Variants in DENND1A observed in about 807,000 individuals in gnomAD.
DENND1A encodes the protein DENN domain containing 1A.
In DENND1A, 51 loss-of-function variants were observed where a neutral mutation model predicts 113.7. That is an observed-to-expected ratio of 0.45 (90% confidence interval 0.36 to 0.57). DENND1A has a LOEUF of 0.57. Among genes scored for constraint, DENND1A ranks in the 20% least tolerant of loss-of-function variants. The pLI, the probability that DENND1A is intolerant of heterozygous loss-of-function variation, is 0.00. For synonymous variants in DENND1A, 565 were observed against 570.8 expected, an observed-to-expected ratio of 0.99 and a Z score of 0.14; for missense variants, 1,258 against 1,395.9, an observed-to-expected ratio of 0.90 and a Z score of 1.57.
chr9:123,521,351 G>C (rs1235108224), intron 13 of DENND1A, among the ~76,000 whole-genome samples: 4 of 152,068 alleles, frequency 2.6e-5, no homozygotes, highest in Admixed American at 1.3e-4. Flanking sequence ...GTGGTTAAGG[G>C]GCTTGAGAGT....
At position 123,510,360 on chromosome 9, in the gene DENND1A, T is replaced by C. The variant is rs567710865; in HGVS notation, c.993+47210A>G. 2.6e-4 allele frequency among the ~76,000 whole-genome samples: 40 copies of C among 152,372 alleles called. No homozygotes were observed. In the South Asian group the frequency reaches 5.8e-3, roughly 22 times the overall value. ...TCATCTGATAAAGGGAAATACACAA[T>C]AGAATGATCAGTGTGAGCACACAAG... is the stretch of plus-strand genomic sequence containing the variant. On this transcript the variant is annotated intron_variant, in intron 13 of 23. Transcript: ENST00000394215.
chr9:123,547,551 T>G (rs1414706087), intron 13 of DENND1A, among the ~76,000 whole-genome samples: 1 of 152,138 alleles, frequency 6.6e-6, no homozygotes, highest in Non-Finnish European at 1.5e-5. Flanking sequence ...AAAACCTGAC[T>G]GTAATTTTTT....
At chr9:123,596,118 G>C (rs2059679273) in intron 11 of DENND1A, among the ~76,000 whole-genome samples, 1 of 152,160 alleles carries the variant, frequency 6.6e-6, no homozygotes, top group Non-Finnish European at 1.5e-5. Context: ...GCATGGCCCA[G>C]AGATAGCTCG....
At chr9:123,701,966 T>C (rs1470808292) in intron 5 of DENND1A, among the ~76,000 whole-genome samples, 2 of 152,168 alleles carry the variant, frequency 1.3e-5, no homozygotes, top group East Asian at 3.8e-4. Flanking sequence ...GAGGTACTAG[T>C]GACTGACCAT....
chr9:123,651,869 AAT>A (rs2139410158), intron 9 of DENND1A, 142 bp downstream of exon 9: 10 of 595,472 alleles, frequency 1.7e-5, no homozygotes, highest in Non-Finnish European at 2.5e-5. Flanking sequence ...AAAAAAAAAA[AAT>A]GAACAATTAA....
chr9:123,707,577 G>C (rs1056736810), intron 5 of DENND1A, among the ~76,000 whole-genome samples: 2 of 152,110 alleles, frequency 1.3e-5, no homozygotes, highest in Non-Finnish European at 2.9e-5. Flanking sequence ...ATATATCAAA[G>C]AGAAGGCAGT....
chr9:123,672,165 C>G (rs1305381070), intron 6 of DENND1A, among the ~76,000 whole-genome samples: 1 of 152,188 alleles, frequency 6.6e-6, no homozygotes, highest in Non-Finnish European at 1.5e-5. Context: ...GTAAGTTGCA[C>G]AGCTAAAGGG....
intron 5 of DENND1A, among the ~76,000 whole-genome samples, chr9:123,716,418 G>A (rs769337701): frequency 6.6e-5 from 10 of 152,262 alleles, no homozygotes; most frequent in East Asian, 3.9e-4. Context: ...TTAAAAGGAC[G>A]AAGGAGGGGG....
rs570697971 is a variant in DENND1A at position 123,737,156 on chromosome 9, GTTTAA to G, written c.302+20542_302+20546del. On this transcript the variant is annotated intron_variant, in intron 5 of 23. Transcript: ENST00000394215. ...ATCTCATATGGAATATATTTAAAAT[GTTTAA>G]TTTAACCTTTAATTCAACTCAGTTT... Among the ~76,000 whole-genome samples, 232 of 152,188 alleles carry G rather than the reference GTTTAA, an allele frequency of 1.5e-3. 1 individual carries two copies. The highest frequency in any genetic ancestry group is 5.3e-3 in the African/African-American group (221 of 41,514).
chr9:123,924,082 C>A (rs1856705827), intron 1 of DENND1A, among the ~76,000 whole-genome samples: 1 of 152,142 alleles, frequency 6.6e-6, no homozygotes, highest in Non-Finnish European at 1.5e-5. Flanking sequence ...GAATATTATT[C>A]AGCAGTAAAA....
At chr9:123,875,693 A>AG (rs1847351599) in intron 2 of DENND1A, among the ~76,000 whole-genome samples, 1 of 152,172 alleles carries the variant, frequency 6.6e-6, no homozygotes, top group Non-Finnish European at 1.5e-5. Context: ...GACAGACCCC[A>AG]GGGGAGAGAC....
intron 13 of DENND1A, among the ~76,000 whole-genome samples, chr9:123,529,180 T>C (rs2564363): frequency 0.99 from 150,793 of 152,292 alleles, 74,670 homozygotes; most frequent in Middle Eastern, 1. Context: ...GTCACCCTCA[T>C]CTTTGTCTAT....
chr9:123,432,540 C>T (rs557120409), intron 19 of DENND1A, among the ~76,000 whole-genome samples: 21 of 152,226 alleles, frequency 1.4e-4, no homozygotes, highest in African/African-American at 5.1e-4. Flanking sequence ...CTGGAGGGAG[C>T]GGAGTGGGGA....
intron 5 of DENND1A, among the ~76,000 whole-genome samples, chr9:123,681,056 C>T (rs1277058585): frequency 6.6e-6 from 1 of 151,916 alleles, no homozygotes; most frequent in Non-Finnish European, 1.5e-5. Flanking sequence ...GTGCTGGGGC[C>T]CAAGCAGAGT....
chr9:123,537,057 G>C (rs918393962), intron 13 of DENND1A, among the ~76,000 whole-genome samples: 2 of 152,142 alleles, frequency 1.3e-5, no homozygotes, highest in Non-Finnish European at 2.9e-5. Context: ...GCATGCCTGA[G>C]AGGTATGCCC....
At chr9:123,401,632 A>G in intron 21 of DENND1A, 6 of 1,441,228 alleles carry the variant, frequency 4.2e-6, no homozygotes, top group Non-Finnish European at 5.5e-6. Flanking sequence ...ATATTTTCCA[A>G]CAGAAGTAGA....
intron 11 of DENND1A, among the ~76,000 whole-genome samples, chr9:123,608,140 A>G (rs1009429991): frequency 6.6e-6 from 1 of 152,200 alleles, no homozygotes; most frequent in Non-Finnish European, 1.5e-5. Context: ...GGGCTGGGTG[A>G]TGACAAGGAG....
At chr9:123,721,219 A>T (rs1292842111) in intron 5 of DENND1A, among the ~76,000 whole-genome samples, 1 of 152,216 alleles carries the variant, frequency 6.6e-6, no homozygotes, top group Non-Finnish European at 1.5e-5. Flanking sequence ...GTCATTCTTC[A>T]CTGACTTCAG....
At chr9:123,514,065 G>GGTGTGTGTGTGTGTGTGTGTGT (rs775882728) in intron 13 of DENND1A, among the ~76,000 whole-genome samples, 20 of 109,300 alleles carry the variant, frequency 1.8e-4, no homozygotes, top group Admixed American at 1.8e-3. Context: ...TCTATTTTGA[G>GGTGTGTGTGTGTGTGTGTGTGT]GTGTGTGTGT....
Sources: gnomAD v4.1 joint callset for allele counts (sites outside exome capture counted in the v4.1 genomes callset) on GRCh38, gnomAD v4.1.1 for gene constraint, MANE v1.5 for transcripts, NCBI Gene and HGNC (gene_info 2026-07-23, HGNC 2026-07-21) for gene names.